The following DNAH9 variants were observed in gnomAD, a reference collection of about 807,000 sequenced individuals.
DNAH9 encodes the protein dynein axonemal heavy chain 9, also known as DNAH9 variant protein.
DNAH9 carries 345 observed loss-of-function variants against 471.6 expected under a neutral mutation model. That is an observed-to-expected ratio of 0.73 (90% CI 0.67 to 0.80). DNAH9 has a LOEUF of 0.80. Among genes scored for constraint, DNAH9 ranks in the 30% least tolerant of loss-of-function variants. The pLI is 0.00. For synonymous variants in DNAH9, 2,093 were observed against 2,123.6 expected (o/e 0.99, Z 0.40); for missense variants, 5,407 against 5,609.2 (o/e 0.96, Z 1.15).
intron 45 of DNAH9, among the ~76,000 whole-genome samples, chr17:11,817,511 G>A (rs1970140718): frequency 6.6e-6 from 1 of 152,270 alleles, no homozygotes; most frequent in East Asian, 1.9e-4. Context: ...TACAGTCTCT[G>A]TCACAAATAC....
intron 49 of DNAH9, among the ~76,000 whole-genome samples, chr17:11,839,481 A>C (rs1184243816): frequency 6.6e-6 from 1 of 151,552 alleles, no homozygotes; most frequent in African/African-American, 2.4e-5. Context: ...GCGCCACTGC[A>C]CTCCAGCCTG....
intron 66 of DNAH9, 94 bp from the exon 67 acceptor site, chr17:11,942,209 G>GTGAT (rs1232957773): frequency 1.3e-6 from 2 of 1,496,978 alleles, no homozygotes; most frequent in East Asian, 4.6e-5. Flanking sequence ...CAGACGATGG[G>GTGAT]TGATTGGCAT....
Position 11,747,783 on chromosome 17 carries a change from C to T in DNAH9, c.6610+17C>T. The stretch of plus-strand genomic sequence containing the variant: ...GGAAGGATGGTAAGAGTGGGATTCT[C>T]CCAGGAGAAAGTCTCTGCTAGCCTC... On this transcript the variant is annotated intron_variant, in intron 32 of 68. Coordinates refer to ENST00000262442, the MANE Select transcript of DNAH9 (RefSeq NM_001372.4). The T allele has an allele frequency of 6.2e-7, 1 of 1,606,860 alleles. No homozygotes were observed. Among genetic ancestry groups the T allele is most frequent in the Non-Finnish European group, 8.5e-7 (1 of 1,173,616 alleles).
In DNAH9 at chr17:11,822,534, G is replaced by T; in HGVS notation, c.8947G>T (p.Glu2983Ter). ...VNCTAIHWFH[E>*]WPQQALESVS... The stretch of plus-strand genomic sequence containing the variant: ...CTGCACAGCCATCCACTGGTTCCAC[G>T]AGTGGCCTCAGCAAGCATTGGAGTC... The change falls in exon 47 of 69, where the codon GAG becomes TAG. Residue 2983 changes from glutamate (E) to a stop codon, truncating the protein, a stop_gained. Transcript: ENST00000262442. LOFTEE classifies it high-confidence loss of function. The T allele has an allele frequency of 6.2e-7, 1 of 1,614,154 alleles. No individual in the cohort carries two copies. The highest frequency in any genetic ancestry group is 1.1e-5 in the South Asian group (1 of 91,080).
At chr17:11,599,475 A>G (rs2072338345) in intron 1 of DNAH9, among the ~76,000 whole-genome samples, 1 of 152,176 alleles carries the variant, frequency 6.6e-6, no homozygotes, top group Non-Finnish European at 1.5e-5. Flanking sequence ...CATCTCATTC[A>G]TTCATTACCA....
At chr17:11,707,617 C>A (rs1405216862) in intron 26 of DNAH9, among the ~76,000 whole-genome samples, 1 of 150,544 alleles carries the variant, frequency 6.6e-6, no homozygotes, top group African/African-American at 2.5e-5. Flanking sequence ...TTCCCTCTTA[C>A]TCTGTATCTC....
chr17:11,756,792 C>G (rs192559102), intron 34 of DNAH9, 116 bp downstream of exon 34: 5 of 694,630 alleles, frequency 7.2e-6, no homozygotes, highest in Non-Finnish European at 1.3e-5. Context: ...AGAAGCCTCA[C>G]GTGCAGTTTT....
In DNAH9 at chr17:11,969,731, A is replaced by C; in HGVS notation, c.*204A>C. 3.6e-6 allele frequency: 2 copies of C among 561,456 alleles called. No homozygotes were observed. The highest frequency in any genetic ancestry group is 6.3e-6 in the Non-Finnish European group (2 of 315,676). The allele number at this position is 561,456 out of a possible 1,614,324, so 34.8% of individuals were successfully genotyped here. On this transcript the variant is annotated 3_prime_UTR_variant, in exon 69 of 69. Transcript: ENST00000262442. ...GAATGTGGGCCCAGGTTTCTTAATA[A>C]AATGATTTACTCTTCAACTGTGTCT...
chr17:11,786,714 C>G (rs2011094), intron 41 of DNAH9, among the ~76,000 whole-genome samples: 67,554 of 152,016 alleles, frequency 0.44, 15,379 homozygotes, highest in African/African-American at 0.51. Context: ...AGGTAATTCA[C>G]GGTGACAAAA....
chr17:11,630,121 A>G (rs1285055438), intron 7 of DNAH9: 1 of 153,204 alleles, frequency 6.5e-6, no homozygotes, highest in African/African-American at 2.4e-5. Flanking sequence ...AACGTACAAC[A>G]TGGTGAAGAC....
At chr17:11,934,419 G>A (rs547355671) in intron 65 of DNAH9, among the ~76,000 whole-genome samples, 17 of 146,244 alleles carry the variant, frequency 1.2e-4, no homozygotes, top group African/African-American at 4.0e-4. Flanking sequence ...TTTTCACTTG[G>A]GATGTTGACA....
intron 57 of DNAH9, among the ~76,000 whole-genome samples, chr17:11,891,562 A>G (rs1283689679): frequency 6.6e-6 from 1 of 152,126 alleles, no homozygotes; most frequent in African/African-American, 2.4e-5. Context: ...ACAGCGTTTC[A>G]CCATGTTGGC....
chr17:11,890,416 C>G (rs924219636), intron 57 of DNAH9, among the ~76,000 whole-genome samples: 2 of 152,148 alleles, frequency 1.3e-5, no homozygotes, highest in African/African-American at 4.8e-5. Context: ...CCTTTGTTAA[C>G]AAGAAACACC....
intron 49 of DNAH9, among the ~76,000 whole-genome samples, chr17:11,847,120 GATCCA>G: frequency 6.6e-6 from 1 of 152,118 alleles, no homozygotes; most frequent in Non-Finnish European, 1.5e-5. Flanking sequence ...ACTTTTGTCA[GATCCA>G]AGCTTGCAAA....
At chr17:11,956,405 ACTC>A (rs1975642824) in intron 67 of DNAH9, among the ~76,000 whole-genome samples, 1 of 152,084 alleles carries the variant, frequency 6.6e-6, no homozygotes, top group Non-Finnish European at 1.5e-5. Flanking sequence ...TGGTTTCAAA[ACTC>A]CTCTCTCAAT....
chr17:11,685,772 G>A (rs1052954483), intron 19 of DNAH9, among the ~76,000 whole-genome samples: 8 of 151,440 alleles, frequency 5.3e-5, no homozygotes, highest in Admixed American at 6.6e-5. Context: ...GAAGGACTGC[G>A]CCTCACAAAG....
At chr17:11,607,390 G>A (rs1383037823) in intron 1 of DNAH9, among the ~76,000 whole-genome samples, 6 of 152,104 alleles carry the variant, frequency 3.9e-5, no homozygotes, top group Admixed American at 3.9e-4. Flanking sequence ...ATGACAAGGG[G>A]CTGTGGAAAG....
At chr17:11,680,934 T>G in intron 19 of DNAH9, 45 bp downstream of exon 19, 1 of 1,531,936 alleles carries the variant, frequency 6.5e-7, no homozygotes, top group Non-Finnish European at 8.9e-7. Context: ...AACACTGCAG[T>G]CTTTGAGTCA....
In DNAH9 at chr17:11,875,072, CT is replaced by C. The variant is rs781563275; in HGVS notation, c.10367del (p.Leu3456ProfsTer43). 18 of 1,614,162 alleles carry C rather than the reference CT, an allele frequency of 1.1e-5. No homozygotes were observed. In the South Asian group the frequency reaches 1.6e-4, roughly 15 times the overall value. ...DRMSVENATI[L>X]INCERWPLMV... The stretch of plus-strand genomic sequence containing the variant: ...CATGTCCGTGGAGAATGCCACCATT[CT>C]CATCAACTGTGAGCGCTGGCCACTC... On this transcript the variant is annotated frameshift_variant, in exon 53 of 69. Coordinates refer to ENST00000262442, the MANE Select transcript of DNAH9 (RefSeq NM_001372.4). LOFTEE classifies it high-confidence loss of function.
Sources: allele counts gnomAD v4.1 joint callset (sites outside exome capture counted in the v4.1 genomes callset), GRCh38; gene constraint gnomAD v4.1.1; transcripts MANE v1.5; gene names NCBI Gene and HGNC (gene_info 2026-07-23, HGNC 2026-07-21).